The following SPRED2 variants were observed in gnomAD, a reference collection of about 807,000 sequenced individuals.
The protein encoded by SPRED2 is sprouty related EVH1 domain containing 2, also known as sprouty-related, EVH1 domain-containing protein 2.
SPRED2 carries 47 observed loss-of-function variants against 43.0 expected under a neutral mutation model. That is an observed-to-expected ratio of 1.09 (90% CI 0.87 to 1.40). SPRED2 has a LOEUF of 1.40. Ranked by LOEUF, SPRED2 falls within the 40% of genes most tolerant of loss-of-function variation. The pLI is 0.00. For synonymous variants in SPRED2, 225 were observed against 225.7 expected (o/e 1.00, Z 0.03); for missense variants, 561 against 586.4 (o/e 0.96, Z 0.45).
intron 1 of SPRED2, among the ~76,000 whole-genome samples, chr2:65,426,983 G>A (rs1193850413): frequency 1.3e-5 from 2 of 152,296 alleles, no homozygotes; most frequent in East Asian, 3.9e-4. Context: ...GTTCAGCCTT[G>A]CACTAGGCAC....
intron 1 of SPRED2, 109 bp from the exon 2 acceptor site, chr2:65,345,005 A>G: frequency 9.0e-7 from 1 of 1,106,940 alleles, no homozygotes; most frequent in Non-Finnish European, 1.2e-6. Context: ...TGTTTTATCG[A>G]AAGAAATCTA....
intron 2 of SPRED2, among the ~76,000 whole-genome samples, chr2:65,342,837 C>G (rs1572854723): frequency 6.6e-6 from 1 of 152,112 alleles, no homozygotes; most frequent in African/African-American, 2.4e-5. Context: ...TATGGCTGGG[C>G]ACAGTGGCAT....
chr2:65,334,868 C>G, intron 2 of SPRED2, 95 bp from the exon 3 acceptor site: 1 of 1,283,934 alleles, frequency 7.8e-7, no homozygotes, highest in Non-Finnish European at 1.1e-6. Context: ...CTGGTGGCAA[C>G]TACCAAAACC....
At chr2:65,322,292 A>ATG (rs1490204181) in intron 4 of SPRED2, among the ~76,000 whole-genome samples, 3 of 70,830 alleles carry the variant, frequency 4.2e-5, no homozygotes, top group African/African-American at 2.2e-4. Flanking sequence ...ATATATATAT[A>ATG]TATTTTTTTT....
rs761665293 is a variant in SPRED2, at chr2:65,386,285, C to CAAAAAA, written c.27-41395_27-41390dup. On this transcript the variant is annotated intron_variant, in intron 1 of 5. Transcript: ENST00000356388. ...GGGCGACAAGAGTGAGACTCTGTCTCAAAAAAAAAAAAAAAAAAAGAAAGC... is the reference window on the plus strand; with the variant it reads ...GGGCGACAAGAGTGAGACTCTGTCTCAAAAAAAAAAAAAAAAAAAAAAAAAGAAAGC... 2.2e-3 allele frequency among the ~76,000 whole-genome samples: 120 copies of CAAAAAA among 55,484 alleles called. 5 individuals are homozygous for CAAAAAA. The highest frequency in any genetic ancestry group is 0.011 in the African/African-American group (113 of 10,630). The allele number at this position is 55,484 out of a possible 152,430, so 36.4% of individuals were successfully genotyped here. A position where few individuals can be genotyped will look rare whatever the true frequency, so the allele number is the denominator to read the frequency against.
intron 1 of SPRED2, among the ~76,000 whole-genome samples, chr2:65,354,339 C>G (rs866017453): frequency 6.6e-6 from 1 of 152,112 alleles, no homozygotes; most frequent in Non-Finnish European, 1.5e-5. Context: ...TTAGCAATGC[C>G]CAGGCACACT....
At chr2:65,315,910 G>A (rs1263902542) in intron 5 of SPRED2, among the ~76,000 whole-genome samples, 2 of 152,174 alleles carry the variant, frequency 1.3e-5, no homozygotes, top group Non-Finnish European at 2.9e-5. Context: ...CACCTGCCTC[G>A]GCCTCCCAAA....
chr2:65,336,277 C>T (rs978819384), intron 2 of SPRED2, among the ~76,000 whole-genome samples: 15 of 152,208 alleles, frequency 9.9e-5, no homozygotes, highest in African/African-American at 3.4e-4. Flanking sequence ...AACGCTTGAG[C>T]CTGGGAGGCT....
chr2:65,392,064 A>G, intron 1 of SPRED2, among the ~76,000 whole-genome samples: 1 of 151,934 alleles, frequency 6.6e-6, no homozygotes, highest in Admixed American at 6.6e-5. Flanking sequence ...GTTTTATATT[A>G]ACTCATAATG....
chr2:65,366,180 C>A (rs1297477105), intron 1 of SPRED2, among the ~76,000 whole-genome samples: 1 of 152,140 alleles, frequency 6.6e-6, no homozygotes, highest in Non-Finnish European at 1.5e-5. Flanking sequence ...TGTTAGACCA[C>A]CTCCTTCAGC....
intron 4 of SPRED2, 105 bp downstream of exon 4, chr2:65,331,882 C>G: frequency 1.2e-6 from 1 of 837,564 alleles, no homozygotes; most frequent in Non-Finnish European, 1.9e-6. Context: ...ATCCAAACAG[C>G]AACAGCAAAC....
intron 1 of SPRED2, among the ~76,000 whole-genome samples, chr2:65,418,338 C>G (rs1676336999): frequency 6.6e-6 from 1 of 152,154 alleles, no homozygotes; most frequent in African/African-American, 2.4e-5. Context: ...TCTGAGCTCC[C>G]CCAGCATAAA....
At chr2:65,320,898 C>A (rs1379958326) in intron 4 of SPRED2, among the ~76,000 whole-genome samples, 1 of 152,190 alleles carries the variant, frequency 6.6e-6, no homozygotes, top group Non-Finnish European at 1.5e-5. Context: ...AAGCAGCCCA[C>A]CTGAGGTATG....
At chr2:65,352,527 G>T (rs1329986139) in intron 1 of SPRED2, among the ~76,000 whole-genome samples, 1 of 152,256 alleles carries the variant, frequency 6.6e-6, no homozygotes, top group African/African-American at 2.4e-5. Context: ...CTTCCGTCCA[G>T]TCTTCACTGT....
chr2:65,413,696 C>T (rs1676213280), intron 1 of SPRED2, among the ~76,000 whole-genome samples: 1 of 152,176 alleles, frequency 6.6e-6, no homozygotes, highest in Admixed American at 6.5e-5. Flanking sequence ...GACAGGGCAT[C>T]CTTCTCAGCT....
chr2:65,343,385 C>A (rs1674246576), intron 2 of SPRED2, among the ~76,000 whole-genome samples: 1 of 152,166 alleles, frequency 6.6e-6, no homozygotes, highest in Non-Finnish European at 1.5e-5. Context: ...TTTCTGTTAA[C>A]CCACATGTAA....
chr2:65,322,150 T>C (rs1456640883), intron 4 of SPRED2, among the ~76,000 whole-genome samples: 2 of 151,698 alleles, frequency 1.3e-5, no homozygotes, highest in African/African-American at 4.8e-5. Context: ...TGTATCTGGT[T>C]GTTTTGCTTA....
intron 1 of SPRED2, among the ~76,000 whole-genome samples, chr2:65,401,935 G>GCACACA (rs544327137): frequency 1.2e-3 from 109 of 89,370 alleles, no homozygotes; most frequent in African/African-American, 3.5e-3. Flanking sequence ...TAGCGCGCGC[G>GCACACA]CGCACACACA....
At chr2:65,394,114 G>C (rs1453794050) in intron 1 of SPRED2, among the ~76,000 whole-genome samples, 1 of 152,134 alleles carries the variant, frequency 6.6e-6, no homozygotes, top group Non-Finnish European at 1.5e-5. Flanking sequence ...TGTGCCCAGT[G>C]CATCTCTGGA....
Sources: allele counts gnomAD v4.1 joint callset (sites outside exome capture counted in the v4.1 genomes callset), GRCh38; gene constraint gnomAD v4.1.1; transcripts MANE v1.5; gene names NCBI Gene and HGNC (gene_info 2026-07-23, HGNC 2026-07-21).